The following CAMK2A variants were observed in gnomAD, a reference collection of about 807,000 sequenced individuals.
The protein encoded by CAMK2A is calcium/calmodulin-dependent protein kinase type II subunit alpha.
CAMK2A carries 7 observed loss-of-function variants against 79.2 expected under a neutral mutation model. The observed-to-expected ratio is 0.09, with a 90% CI of 0.05 to 0.17. The LOEUF (loss-of-function observed/expected upper bound fraction) is 0.17, where lower values mean the gene tolerates loss of function less well. Among genes scored for constraint, CAMK2A ranks in the 10% least tolerant of loss-of-function variants. CAMK2A has a pLI of 1.00. For synonymous variants in CAMK2A, 242 were observed against 251.7 expected (o/e 0.96, Z 0.36); for missense variants, 214 against 646.4 (o/e 0.33, Z 7.25).
intron 15 of CAMK2A, among the ~76,000 whole-genome samples, chr5:150,236,156 G>A (rs533190107): frequency 7.7e-4 from 117 of 152,224 alleles, no homozygotes; most frequent in African/African-American, 2.7e-3. Flanking sequence ...GATAATGACG[G>A]CAAATGTGAG....
At chr5:150,243,066 C>A (rs192620652) in intron 13 of CAMK2A, among the ~76,000 whole-genome samples, 1 of 152,344 alleles carries the variant, frequency 6.6e-6, no homozygotes, top group Admixed American at 6.5e-5. Context: ...CAGAGCCCCA[C>A]CATGCTGTGA....
chr5:150,223,349 T>C lies in CAMK2A; in HGVS notation c.1238-132A>G. 1.4e-6 allele frequency: 1 copy of C among 691,640 alleles called. No homozygotes were observed. The highest frequency in any genetic ancestry group is 2.5e-6 in the Non-Finnish European group (1 of 405,364). 42.8% of individuals were successfully genotyped at this position (691,640 alleles called of 1,614,324 possible). On this transcript the variant is annotated intron_variant, in intron 17 of 18. Transcript: ENST00000671881. The surrounding 1 kb of genome is among the most constrained non-coding windows in gnomAD (Gnocchi z 4.1). ...CTGACTCATTTGCAGGGAAGGGGCC[T>C]GTGTGGCAGGACTCAGCTACCTGGG...
In CAMK2A at chr5:150,222,881, C is replaced by T; in HGVS notation, c.1466+108G>A. 2.9e-6 allele frequency: 4 copies of T among 1,401,492 alleles called. No homozygotes were observed. In the Admixed American group the frequency reaches 5.1e-5, roughly 18 times the overall value. The allele number at this position is 1,401,492 out of a possible 1,614,324, so 86.8% of individuals were successfully genotyped here. ...CTTCTTGGGGTCTCCCCACCCCACT[C>T]TGCAGCCTTTCAGAGCTGAAGGCAG... is the stretch of plus-strand genomic sequence containing the variant. On this transcript the variant is annotated intron_variant, in intron 18 of 18. Coordinates refer to ENST00000671881, the MANE Select transcript of CAMK2A (RefSeq NM_015981.4).
chr5:150,260,228 G>A (rs1260888027), intron 3 of CAMK2A, among the ~76,000 whole-genome samples: 4 of 152,180 alleles, frequency 2.6e-5, no homozygotes, highest in South Asian at 2.1e-4. Context: ...AGGCTGAGGC[G>A]GGTGGAACAC....
At chr5:150,232,656 C>T (rs1324120426) in intron 15 of CAMK2A, among the ~76,000 whole-genome samples, 4 of 152,226 alleles carry the variant, frequency 2.6e-5, no homozygotes, top group Non-Finnish European at 5.9e-5. Context: ...TAGATGAACA[C>T]ATTGCCAGGA....
intron 11 of CAMK2A, 70 bp from the exon 12 acceptor site, chr5:150,247,884 C>T (rs909592604): frequency 1.9e-5 from 25 of 1,309,872 alleles, no homozygotes; most frequent in African/African-American, 1.7e-4. Flanking sequence ...GACAGAGAGA[C>T]GGGAGGGCCA....
chr5:150,221,316 AT>A lies in CAMK2A; in HGVS notation c.*1393del. 2.5e-6 allele frequency: 1 copy of A among 397,816 alleles called. No homozygotes were observed. The highest frequency in any genetic ancestry group is 4.4e-6 in the Non-Finnish European group (1 of 225,860). 24.6% of individuals were successfully genotyped at this position (397,816 alleles called of 1,614,324 possible). The stretch of plus-strand genomic sequence containing the variant: ...AGGGAAAGAGGAAAAGAAAGAGAGA[AT>A]GCGAACCCGAGGCTGCAGGATGAGG... On this transcript the variant is annotated 3_prime_UTR_variant, in exon 19 of 19. Transcript: ENST00000671881.
chr5:150,259,011 C>T (rs1400521385), intron 3 of CAMK2A, among the ~76,000 whole-genome samples: 1 of 151,944 alleles, frequency 6.6e-6, no homozygotes, highest in Non-Finnish European at 1.5e-5. Flanking sequence ...GAAACCCCAT[C>T]TCTACTAAAA....
At chr5:150,250,864 G>A (rs1293647512) in intron 9 of CAMK2A, 54 bp from the exon 10 acceptor site, 18 of 1,596,806 alleles carry the variant, frequency 1.1e-5, no homozygotes, top group Middle Eastern at 1.7e-4. Flanking sequence ...CCACCCCTGC[G>A]ATCCCCCAGC....
intron 2 of CAMK2A, 105 bp from the exon 3 acceptor site, chr5:150,265,120 CTGGGGGCTGG>C: frequency 1.2e-6 from 1 of 845,144 alleles, no homozygotes; most frequent in Non-Finnish European, 2.0e-6. Flanking sequence ...AGGGCAGCCC[CTGGGGGCTGG>C]GAAAGCTCAC....
rs1755701421 is a variant in CAMK2A, at chr5:150,248,850, G to A, written c.901-1036C>T. On this transcript the variant is annotated intron_variant, in intron 11 of 18. Transcript: ENST00000671881. ...ATTTATAATCTTTTGAATCCCAGGA[G>A]GATTCTCAATGTAGAGAAAGCCTCC... 2.0e-5 allele frequency among the ~76,000 whole-genome samples: 3 copies of A among 152,250 alleles called. No individual in the cohort carries two copies. The South Asian group carries it at 6.2e-4, about 32-fold the overall frequency.
chr5:150,263,456 G>A (rs1341649627), intron 3 of CAMK2A, among the ~76,000 whole-genome samples: 4 of 148,254 alleles, frequency 2.7e-5, no homozygotes, highest in African/African-American at 1.0e-4. Flanking sequence ...ACTCACACAC[G>A]TGCATTCACA....
chr5:150,239,867 T>C, intron 13 of CAMK2A, 131 bp from the exon 14 acceptor site: 9 of 795,734 alleles, frequency 1.1e-5, no homozygotes, highest in South Asian at 1.0e-4. Context: ...CTTTGTCGGC[T>C]TGGCATCGGG....
At chr5:150,259,704 C>T (rs1756220586) in intron 3 of CAMK2A, among the ~76,000 whole-genome samples, 1 of 151,726 alleles carries the variant, frequency 6.6e-6, no homozygotes, top group Non-Finnish European at 1.5e-5. Context: ...CACGGTGGCT[C>T]ATGCCTGTAA....
chr5:150,281,135 C>T (rs1757198547), intron 1 of CAMK2A, among the ~76,000 whole-genome samples: 1 of 152,202 alleles, frequency 6.6e-6, no homozygotes, highest in African/African-American at 2.4e-5. Flanking sequence ...CATTATCTTG[C>T]CTAGATGCTA....
In CAMK2A at chr5:150,227,901, G is replaced by A. The variant is rs572002908; in HGVS notation, c.1237+291C>T. ...ATATGGGAATCAAGGCCCTCCCCAG[G>A]CCCCTCCCAGGGTCATGGGCAGGAG... On this transcript the variant is annotated intron_variant, in intron 17 of 18. Transcript: ENST00000671881. 2.6e-5 allele frequency among the ~76,000 whole-genome samples: 4 copies of A among 152,244 alleles called. No individual in the cohort carries two copies. In the East Asian group the frequency reaches 5.8e-4, roughly 22 times the overall value.
At chr5:150,259,135 G>A (rs936239589) in intron 3 of CAMK2A, among the ~76,000 whole-genome samples, 11 of 151,838 alleles carry the variant, frequency 7.2e-5, no homozygotes, top group African/African-American at 2.4e-4. Context: ...AGCCGAGATC[G>A]TGCCACTGCA....
At chr5:150,241,016 C>T (rs1755312103) in intron 13 of CAMK2A, among the ~76,000 whole-genome samples, 1 of 152,224 alleles carries the variant, frequency 6.6e-6, no homozygotes, top group Non-Finnish European at 1.5e-5. Flanking sequence ...AAATCCTGGG[C>T]CAGGCCCCCA....
Position 150,221,744 on chromosome 5 carries a change from G to T in CAMK2A, c.*966C>A. ...CACAGGTGACAAGGTCCACCTCAGAGATGACAAAAAAAAAAAAAAAAACTA... is the reference window on the plus strand; with the variant it reads ...CACAGGTGACAAGGTCCACCTCAGATATGACAAAAAAAAAAAAAAAAACTA... On this transcript the variant is annotated 3_prime_UTR_variant, in exon 19 of 19. Transcript: ENST00000671881. The T allele has an allele frequency of 3.9e-4, 135 of 342,748 alleles. No individual in the cohort carries two copies. Among genetic ancestry groups the T allele is most frequent in the Non-Finnish European group, 4.1e-4 (83 of 204,238 alleles). The allele number at this position is 342,748 out of a possible 1,614,324, so 21.2% of individuals were successfully genotyped here.
Sources: allele counts gnomAD v4.1 joint callset (sites outside exome capture counted in the v4.1 genomes callset), GRCh38; gene constraint gnomAD v4.1.1; non-coding constraint Gnocchi (gnomAD v3.1); transcripts MANE v1.5; gene names NCBI Gene and HGNC (gene_info 2026-07-23, HGNC 2026-07-21).